THNSL1: variants seen among roughly 807,000 people sequenced by gnomAD.
The protein encoded by THNSL1 is threonine synthase like 1.
THNSL1 carries 48 observed loss-of-function variants against 50.4 expected under a neutral mutation model. That is an observed-to-expected ratio of 0.95 (90% CI 0.76 to 1.21). The LOEUF is 1.21. Ranked by LOEUF, THNSL1 falls within the 50% of genes most tolerant of loss-of-function variation. The pLI, the probability that THNSL1 is intolerant of heterozygous loss-of-function variation, is 0.00. For missense variants in THNSL1, 896 were observed against 871.7 expected, an observed-to-expected ratio of 1.03 and a Z score of -0.35; for synonymous variants, 309 against 306.1, an observed-to-expected ratio of 1.01 and a Z score of -0.10.
At chr10:24,981,829 A>C in the THNSL1 span, 5 of 152,182 alleles carry the variant, frequency 3.3e-5, no homozygotes, top group Non-Finnish European at 7.3e-5. Context: ...TTAGTACTTG[A>C]GATCTTAAGC....
At chr10:24,986,686 G>A in the THNSL1 span, among the ~76,000 whole-genome samples, 15 of 152,160 alleles carry the variant, frequency 9.9e-5, no homozygotes, top group Non-Finnish European at 1.8e-4. Context: ...TCTTTTAAAG[G>A]ATAGTTTGCT....
At chr10:24,962,487 T>C in the THNSL1 span, among the ~76,000 whole-genome samples, 1 of 152,246 alleles carries the variant, frequency 6.6e-6, no homozygotes, top group Non-Finnish European at 1.5e-5. Flanking sequence ...ACTACATCAC[T>C]AAATCTCAAT....
Position 25,021,700 on chromosome 10 carries a change from C to T in THNSL1, c.-215-42C>T, listed in dbSNP as rs1453857762. 2.0e-5 allele frequency: 3 copies of T among 152,166 alleles called. No individual in the cohort carries two copies. The East Asian group carries it at 5.8e-4, about 29-fold the overall frequency. The allele number at this position is 152,166 out of a possible 1,614,324, so 9.4% of individuals were successfully genotyped here. ...AGTCTATGTGTAGAATTTTATGATA[C>T]TCTATACAGTTATGATTAACTTAAA... On this transcript the variant is annotated intron_variant, in intron 1 of 2. Transcript: ENST00000376356.
At chr10:24,990,903 C>A in the THNSL1 span, among the ~76,000 whole-genome samples, 76 of 152,248 alleles carry the variant, frequency 5.0e-4, 2 homozygotes, top group African/African-American at 1.8e-3. Context: ...AGTTCGAGAC[C>A]AGCCTGGCCA....
At chr10:24,963,528 C>A in the THNSL1 span, among the ~76,000 whole-genome samples, 8 of 152,150 alleles carry the variant, frequency 5.3e-5, no homozygotes, top group Admixed American at 2.6e-4. Context: ...TATTCAGGAA[C>A]CTCTTTCAGT....
At chr10:24,984,525 A>G in the THNSL1 span, 2 of 1,190,906 alleles carry the variant, frequency 1.7e-6, no homozygotes, top group Non-Finnish European at 2.3e-6. Context: ...AATAGTTTAT[A>G]TGTGGAAAAC....
the THNSL1 span, among the ~76,000 whole-genome samples, chr10:25,008,965 A>T: frequency 6.6e-6 from 1 of 152,180 alleles, no homozygotes; most frequent in East Asian, 1.9e-4. Flanking sequence ...AGGGACATGG[A>T]TGAAGCTAGA....
chr10:25,005,998 A>G, the THNSL1 span, among the ~76,000 whole-genome samples: 1 of 152,226 alleles, frequency 6.6e-6, no homozygotes, highest in South Asian at 2.1e-4. Flanking sequence ...ATTTTAGATA[A>G]ATTGCATTAA....
At chr10:24,998,371 CTCTCTCTCTCTT>C in the THNSL1 span, among the ~76,000 whole-genome samples, 1 of 132,950 alleles carries the variant, frequency 7.5e-6, no homozygotes, top group African/African-American at 2.8e-5. Context: ...CTCTCTCTCT[CTCTCTCTCTCTT>C]TCTTTTTTTG....
At position 25,024,154 on chromosome 10, in the gene THNSL1, GGAGAAAT is replaced by G; in HGVS notation, c.934_940del (p.Glu312LeufsTer60). Reference sequence around the variant, plus strand: ...TGCAGACATACCTGCTGCCAGGTTGGGAGAAATGATTGAAACTGCTTATGGGGAAAAC... The same window carrying G: ...TGCAGACATACCTGCTGCCAGGTTGGGATTGAAACTGCTTATGGGGAAAAC... On this transcript the variant is annotated frameshift_variant, in exon 3 of 3. Transcript: ENST00000376356. LOFTEE classifies it high-confidence loss of function. The G allele has an allele frequency of 1.2e-6, 2 of 1,614,168 alleles. No individual in the cohort carries two copies. The highest frequency in any genetic ancestry group is 1.7e-6 in the Non-Finnish European group (2 of 1,180,016).
chr10:25,014,738 C>A (rs1850527009), upstream of THNSL1, among the ~76,000 whole-genome samples: 1 of 152,154 alleles, frequency 6.6e-6, no homozygotes, highest in South Asian at 2.1e-4. Flanking sequence ...TGTGCCATAA[C>A]TTACTTTACA....
chr10:24,969,367 T>C, the THNSL1 span, among the ~76,000 whole-genome samples: 1 of 152,176 alleles, frequency 6.6e-6, no homozygotes, highest in East Asian at 1.9e-4. Flanking sequence ...TTTCTGTATG[T>C]CCATCACAGA....
chr10:25,006,146 TAAACTATGC>T, the THNSL1 span, among the ~76,000 whole-genome samples: 2 of 152,218 alleles, frequency 1.3e-5, no homozygotes, highest in Non-Finnish European at 2.9e-5. Context: ...ATCCTTGAAT[TAAACTATGC>T]AGTCAGATAG....
At chr10:24,975,207 C>T in the THNSL1 span, among the ~76,000 whole-genome samples, 4 of 152,204 alleles carry the variant, frequency 2.6e-5, no homozygotes, top group East Asian at 3.9e-4. Context: ...AAGAAACCTA[C>T]GTTAGTCCAA....
At chr10:25,001,221 C>G in the THNSL1 span, among the ~76,000 whole-genome samples, 3 of 151,948 alleles carry the variant, frequency 2.0e-5, no homozygotes, top group African/African-American at 7.2e-5. Context: ...CATTTTTAAA[C>G]TTCTGGCTTC....
chr10:25,023,361 G>T lies in THNSL1; in HGVS notation c.138G>T (p.Trp46Cys). The T allele has an allele frequency of 6.2e-7, 1 of 1,614,126 alleles. No individual in the cohort carries two copies. Among genetic ancestry groups the T allele is most frequent in the Non-Finnish European group, 8.5e-7 (1 of 1,179,982 alleles). ...CACTTGCGGAATTGAGGAAGTCATG[G>T]TATTCAACCCACTCTCTTGTTGGAG... ...TFALAELRKS[W>C]YSTHSLVGDK... is the part of the protein sequence containing the mutation. The change falls in exon 3 of 3, where the codon TGG becomes TGT. Residue 46 changes from tryptophan (W) to cysteine (C), a missense_variant. Trp to Cys is a radical substitution (Grantham distance 215). Coordinates refer to ENST00000376356, the MANE Select transcript of THNSL1 (RefSeq NM_024838.5).
At chr10:24,993,514 A>G in the THNSL1 span, among the ~76,000 whole-genome samples, 3 of 152,212 alleles carry the variant, frequency 2.0e-5, no homozygotes, top group African/African-American at 4.8e-5. Flanking sequence ...ATTGTTTCTC[A>G]TGGTATGAAT....
chr10:24,956,087 C>T, the THNSL1 span, among the ~76,000 whole-genome samples: 1 of 151,978 alleles, frequency 6.6e-6, no homozygotes, highest in African/African-American at 2.4e-5. Flanking sequence ...TGAGATTTTT[C>T]ATAAAAAGGG....
chr10:24,978,905 GCTCA>G, the THNSL1 span, among the ~76,000 whole-genome samples: 1 of 152,186 alleles, frequency 6.6e-6, no homozygotes, highest in East Asian at 1.9e-4. Context: ...TAAGGCTGAG[GCTCA>G]CTAAGTGATT....
Sources: allele counts gnomAD v4.1 joint callset (sites outside exome capture counted in the v4.1 genomes callset), GRCh38; gene constraint gnomAD v4.1.1; transcripts MANE v1.5; gene names NCBI Gene and HGNC (gene_info 2026-07-23, HGNC 2026-07-21).